Variants in PDE11A observed in about 807,000 individuals in gnomAD.
PDE11A encodes dual 3',5'-cyclic-AMP and -GMP phosphodiesterase 11A.
PDE11A carries 100 observed loss-of-function variants against 100.5 expected under a neutral mutation model. The observed-to-expected ratio is 1.00, with a 90% CI of 0.85 to 1.18. The LOEUF is 1.18. Ranked by LOEUF, PDE11A falls within the 50% of genes most tolerant of loss-of-function variation. The pLI is 0.00. For missense variants in PDE11A, 1,141 were observed against 1,152.6 expected, an observed-to-expected ratio of 0.99 and a Z score of 0.15; for synonymous variants, 381 against 420.8, an observed-to-expected ratio of 0.91 and a Z score of 1.16.
At chr2:177,735,321 A>G (rs1370488410) in intron 10 of PDE11A, among the ~76,000 whole-genome samples, 1 of 152,208 alleles carries the variant, frequency 6.6e-6, no homozygotes, top group Non-Finnish European at 1.5e-5. Context: ...AGAATGTATC[A>G]AAACCTAAGA....
chr2:177,988,508 G>A (rs777720350), intron 2 of PDE11A, among the ~76,000 whole-genome samples: 3 of 152,134 alleles, frequency 2.0e-5, no homozygotes, highest in Admixed American at 2.0e-4. Flanking sequence ...CTTCATAAGC[G>A]TGCAACCTGT....
At chr2:177,945,070 CCTTGGCCT>C (rs1399136250) in intron 2 of PDE11A, among the ~76,000 whole-genome samples, 9 of 150,116 alleles carry the variant, frequency 6.0e-5, no homozygotes, top group African/African-American at 2.2e-4. Flanking sequence ...GATCCGCCAG[CCTTGGCCT>C]CCCGAGGTGC....
At chr2:178,074,810 C>T (rs942476136), upstream of PDE11A, among the ~76,000 whole-genome samples, 1 of 152,082 alleles carries the variant, frequency 6.6e-6, no homozygotes, top group Admixed American at 6.5e-5. Flanking sequence ...CGTTTTGAAT[C>T]GGCTGTAGCC....
At chr2:177,653,075 G>T (rs1295956123) in intron 19 of PDE11A, among the ~76,000 whole-genome samples, 1 of 152,230 alleles carries the variant, frequency 6.6e-6, no homozygotes, top group African/African-American at 2.4e-5. Context: ...AGGGCATCCT[G>T]CAGGGAATTG....
At chr2:177,825,389 A>G (rs2083212246) in intron 6 of PDE11A, among the ~76,000 whole-genome samples, 1 of 152,204 alleles carries the variant, frequency 6.6e-6, no homozygotes, top group Admixed American at 6.5e-5. Context: ...GAGCCCAATC[A>G]GGTGGGAGAG....
intron 2 of PDE11A, among the ~76,000 whole-genome samples, chr2:178,088,351 T>C (rs767549997): frequency 6.6e-6 from 1 of 152,232 alleles, no homozygotes; most frequent in African/African-American, 2.4e-5. Context: ...ACACAACATA[T>C]TGTAGGACAC....
chr2:177,960,015 C>T (rs1169280752), intron 2 of PDE11A, among the ~76,000 whole-genome samples: 1 of 152,112 alleles, frequency 6.6e-6, no homozygotes, highest in Admixed American at 6.6e-5. Context: ...AATGTCCTTG[C>T]TTACTGATAC....
intron 12 of PDE11A, among the ~76,000 whole-genome samples, chr2:177,712,568 C>A (rs2081372721): frequency 6.6e-6 from 1 of 152,084 alleles, no homozygotes; most frequent in African/African-American, 2.4e-5. Context: ...ACTGGGAATT[C>A]TTTTTTCTTA....
At chr2:177,658,303 T>C (rs752515898) in intron 19 of PDE11A, among the ~76,000 whole-genome samples, 1 of 152,136 alleles carries the variant, frequency 6.6e-6, no homozygotes, top group Non-Finnish European at 1.5e-5. Context: ...ACTTTAATAG[T>C]CAAGTTTAAA....
chr2:177,674,262 T>C (rs1055344134), intron 17 of PDE11A, among the ~76,000 whole-genome samples: 2 of 152,208 alleles, frequency 1.3e-5, no homozygotes, highest in Non-Finnish European at 2.9e-5. Flanking sequence ...ATTAGTTTCC[T>C]AAGGCTGCTG....
rs2087148453 is a variant in PDE11A at position 178,072,450 on chromosome 2, C to T, written c.-13G>A. 1.2e-6 allele frequency: 2 copies of T among 1,612,906 alleles called. No homozygotes were observed. Among genetic ancestry groups the T allele is most frequent in the African/African-American group, 2.7e-5 (2 of 74,946 alleles). ...GGGAGGCTGCCATGGTCCCAGACAGCTTTCCTTGCCTGTTTACACGTGAAC... is the reference window on the plus strand; with the variant it reads ...GGGAGGCTGCCATGGTCCCAGACAGTTTTCCTTGCCTGTTTACACGTGAAC... On this transcript the variant is annotated 5_prime_UTR_variant, in exon 1 of 20. Transcript: ENST00000286063.
chr2:177,909,251 G>A (rs1260220960), intron 2 of PDE11A, among the ~76,000 whole-genome samples: 1 of 152,128 alleles, frequency 6.6e-6, no homozygotes, highest in Non-Finnish European at 1.5e-5. Context: ...CATTTTGAAT[G>A]GCAAAAGAGA....
chr2:177,908,662 G>C (rs116569413), intron 2 of PDE11A, among the ~76,000 whole-genome samples: 1,573 of 152,218 alleles, frequency 0.01, 43 homozygotes, highest in African/African-American at 0.036. Context: ...TGTGGTGTGC[G>C]TCCAGCTATA....
At chr2:177,793,283 C>T (rs1409479912) in intron 9 of PDE11A, among the ~76,000 whole-genome samples, 5 of 152,124 alleles carry the variant, frequency 3.3e-5, no homozygotes, top group Non-Finnish European at 7.3e-5. Context: ...CTAATGTGCC[C>T]CTCCTCAGTG....
intron 9 of PDE11A, among the ~76,000 whole-genome samples, chr2:177,812,663 C>T (rs1370659): frequency 0.4 from 60,725 of 151,902 alleles, 14,983 homozygotes; most frequent in East Asian, 0.61. Context: ...CCAGAGACCA[C>T]CCAAAACATG....
At chr2:177,817,455 G>A (rs1025923402) in intron 8 of PDE11A, among the ~76,000 whole-genome samples, 2 of 152,184 alleles carry the variant, frequency 1.3e-5, no homozygotes, top group African/African-American at 4.8e-5. Context: ...GCCCATTCAA[G>A]GCTAGCTTCT....
intron 6 of PDE11A, among the ~76,000 whole-genome samples, chr2:177,830,165 T>C (rs1423027886): frequency 6.6e-6 from 1 of 152,164 alleles, no homozygotes; most frequent in Non-Finnish European, 1.5e-5. Context: ...ACAATCTGAA[T>C]GATCTTTAAA....
intron 2 of PDE11A, among the ~76,000 whole-genome samples, chr2:177,907,490 C>T (rs184509287): frequency 6.6e-6 from 1 of 152,178 alleles, no homozygotes; most frequent in East Asian, 1.9e-4. Context: ...ATATGCATTA[C>T]ATCTGTTTTA....
chr2:177,807,665 A>C (rs2105563926), intron 9 of PDE11A, among the ~76,000 whole-genome samples: 1 of 152,246 alleles, frequency 6.6e-6, no homozygotes, highest in Middle Eastern at 3.4e-3. Context: ...GGCTCAAGTG[A>C]TCCTCCTGCC....
Sources: gnomAD v4.1 joint callset for allele counts (sites outside exome capture counted in the v4.1 genomes callset) on GRCh38, gnomAD v4.1.1 for gene constraint, MANE v1.5 for transcripts, NCBI Gene and HGNC (gene_info 2026-07-23, HGNC 2026-07-21) for gene names.